TUB: variants seen among roughly 807,000 people sequenced by gnomAD.
The protein encoded by TUB is tubby protein homolog.
A neutral mutation model predicts 59.7 loss-of-function variants in TUB; 33 were observed. The ratio of observed to expected loss-of-function variants is 0.55; its 90% CI spans 0.42 to 0.74. The LOEUF (loss-of-function observed/expected upper bound fraction) is 0.74, where lower values mean the gene tolerates loss of function less well. Among genes scored for constraint, TUB ranks in the 30% least tolerant of loss-of-function variants. The pLI, the probability that TUB is intolerant of heterozygous loss-of-function variation, is 0.00. For missense variants in TUB, 659 were observed against 672.0 expected, an observed-to-expected ratio of 0.98 and a Z score of 0.21; for synonymous variants, 293 against 256.4, an observed-to-expected ratio of 1.14 and a Z score of -1.36.
chr11:8,080,629 C>T (rs1229831292), upstream of TUB, among the ~76,000 whole-genome samples: 2 of 152,188 alleles, frequency 1.3e-5, no homozygotes, highest in Non-Finnish European at 2.9e-5. Flanking sequence ...GTGGAGATTA[C>T]ATACTAGAAA....
chr11:8,040,505 G>A (rs59924750), intron 2 of TUB, among the ~76,000 whole-genome samples: 1 of 152,076 alleles, frequency 6.6e-6, no homozygotes, highest in African/African-American at 2.4e-5. Flanking sequence ...GGTTTGTGAT[G>A]ATGGCGCCCT....
At chr11:8,083,917 A>AGAG (rs1364063920) in intron 1 of TUB, among the ~76,000 whole-genome samples, 1 of 152,140 alleles carries the variant, frequency 6.6e-6, no homozygotes, top group Non-Finnish European at 1.5e-5. Context: ...ACTTGGGCTG[A>AGAG]GAGGAGGAGA....
chr11:8,051,689 C>T (rs7949880), intron 2 of TUB, among the ~76,000 whole-genome samples: 112,989 of 152,118 alleles, frequency 0.74, 42,605 homozygotes, highest in African/African-American at 0.81. Context: ...ATATAGAAGA[C>T]GGTGATTTTT....
At chr11:8,039,109 C>T in intron 1 of TUB, 1 of 1,519,832 alleles carries the variant, frequency 6.6e-7, no homozygotes, top group East Asian at 2.3e-5. Context: ...CTGACCTCAA[C>T]CCTTTACAGT....
At position 8,095,550 on chromosome 11, in the gene TUB, A is replaced by G. The variant is rs1440510252; in HGVS notation, c.450A>G (p.Pro150=). ...AAGACAAGTCTGAGGCCCAAGGCCC[A>G]GTGCAGATTCTGACTGTGGGCCAGT... is the stretch of plus-strand genomic sequence containing the variant. ...LAEDKSEAQG[P]VQILTVGQSD... The change falls in exon 5 of 12, where the codon CCA becomes CCG. Residue 150 remains proline (P), a synonymous_variant. Transcript: ENST00000299506. The G allele has an allele frequency of 1.2e-6, 2 of 1,613,186 alleles. No individual in the cohort carries two copies. Among genetic ancestry groups the G allele is most frequent in the Non-Finnish European group, 8.5e-7 (1 of 1,180,002 alleles).
At chr11:8,024,746 A>G (rs1349444587) in intron 1 of TUB, among the ~76,000 whole-genome samples, 1 of 152,208 alleles carries the variant, frequency 6.6e-6, no homozygotes, top group Non-Finnish European at 1.5e-5. Context: ...AATGTTGGCT[A>G]CTGTCAGATT....
intron 8 of TUB, 122 bp downstream of exon 8, chr11:8,097,948 CCTCT>C: frequency 4.1e-6 from 3 of 734,330 alleles, no homozygotes; most frequent in Non-Finnish European, 6.9e-6. Context: ...CTCCCAGGAT[CCTCT>C]CTGATAATCA....
rs1031010572 is a variant in TUB at position 8,081,323 on chromosome 11, C to G, written c.-188C>G. 3.1e-6 allele frequency: 3 copies of G among 971,530 alleles called. No individual in the cohort carries two copies. The highest frequency in any genetic ancestry group is 3.7e-6 in the Non-Finnish European group (3 of 817,774). 60.2% of individuals were successfully genotyped at this position (971,530 alleles called of 1,614,324 possible). A position where few individuals can be genotyped will look rare whatever the true frequency, so the allele number is the denominator to read the frequency against. ...CTTCGCCCATCTCGCCTCGCCGCGCCGCGCAGGCAGCCGCTCGCAGAGCCA... is the reference window on the plus strand; with the variant it reads ...CTTCGCCCATCTCGCCTCGCCGCGCGGCGCAGGCAGCCGCTCGCAGAGCCA... On this transcript the variant is annotated 5_prime_UTR_variant, in exon 1 of 12. Coordinates refer to ENST00000299506, the MANE Select transcript of TUB (RefSeq NM_177972.3).
rs1590004198 is a variant in TUB, at chr11:8,101,823, T to G, written c.*204T>G. 3.6e-5 allele frequency: 26 copies of G among 715,092 alleles called. No homozygotes were observed. Among genetic ancestry groups the G allele is most frequent in the East Asian group, 6.4e-5 (2 of 31,292 alleles). 44.3% of individuals were successfully genotyped at this position (715,092 alleles called of 1,614,324 possible). On this transcript the variant is annotated 3_prime_UTR_variant, in exon 12 of 12. Transcript: ENST00000299506. ...AGGGGAGTAGTGGAGAGCGGGTGGG[T>G]GGGTGTGAAGGGATGAGAATAATTC...
At chr11:8,097,027 T>C (rs1376000630) in intron 6 of TUB, among the ~76,000 whole-genome samples, 2 of 152,068 alleles carry the variant, frequency 1.3e-5, no homozygotes, top group South Asian at 2.1e-4. Flanking sequence ...CTCCCGTATC[T>C]CCCATCTCCA....
intron 1 of TUB, among the ~76,000 whole-genome samples, chr11:8,022,081 G>A (rs1364440800): frequency 6.6e-6 from 1 of 152,128 alleles, no homozygotes; most frequent in Non-Finnish European, 1.5e-5. Flanking sequence ...CAAACTAACT[G>A]AATCAGAATA....
chr11:8,042,878 T>C (rs898928777), intron 2 of TUB, among the ~76,000 whole-genome samples: 1 of 152,224 alleles, frequency 6.6e-6, no homozygotes, highest in Non-Finnish European at 1.5e-5. Flanking sequence ...GATATTTTAT[T>C]CTATTCTGTG....
intron 2 of TUB, among the ~76,000 whole-genome samples, chr11:8,041,640 T>C (rs1009412750): frequency 6.6e-6 from 1 of 152,164 alleles, no homozygotes; most frequent in Non-Finnish European, 1.5e-5. Flanking sequence ...ATCTCCACCA[T>C]GTCTGTTCAT....
chr11:8,020,108 C>G (rs1057380726), intron 1 of TUB, among the ~76,000 whole-genome samples: 3 of 152,248 alleles, frequency 2.0e-5, no homozygotes, highest in Non-Finnish European at 4.4e-5. Context: ...TAGGTTATGC[C>G]TGTTCTACCT....
chr11:8,027,696 G>A (rs955785177), intron 1 of TUB, among the ~76,000 whole-genome samples: 1 of 152,058 alleles, frequency 6.6e-6, no homozygotes, highest in South Asian at 2.1e-4. Context: ...TGTATTTTTA[G>A]TAGAGACGGG....
chr11:8,039,591 T>C (rs377170393), intron 1 of TUB: 65 of 1,399,092 alleles, frequency 4.6e-5, no homozygotes, highest in Admixed American at 2.9e-5. Context: ...CAGGCAGGGA[T>C]GATGAGGTGA....
At chr11:8,034,925 G>A (rs886385469), upstream of TUB, among the ~76,000 whole-genome samples, 11 of 152,338 alleles carry the variant, frequency 7.2e-5, no homozygotes, top group Admixed American at 7.2e-4. Context: ...TGTGAAATCT[G>A]AATCTGATTC....
In TUB at chr11:8,038,880, G is replaced by A. The variant is rs535436275; in HGVS notation, c.7G>A (p.Ala3Thr). The A allele has an allele frequency of 3.1e-6, 5 of 1,613,912 alleles. No homozygotes were observed. Among genetic ancestry groups the A allele is most frequent in the Non-Finnish European group, 4.2e-6 (5 of 1,179,942 alleles). ...ACTCCATCCTGTGGCCACGATGGGG[G>A]CCAGGACACCTTTGCCTTCTTTCTG... The change falls in exon 1 of 13, where the codon GCC becomes ACC. Residue 3 changes from alanine (A) to threonine (T), a missense_variant. By Grantham distance (58) the Ala-to-Thr change is moderately conservative. Coordinates refer to the TUB transcript ENST00000305253.
chr11:8,024,825 T>C (rs1942478229), intron 1 of TUB, among the ~76,000 whole-genome samples: 1 of 152,224 alleles, frequency 6.6e-6, no homozygotes, highest in Non-Finnish European at 1.5e-5. Context: ...TTTGCAATTA[T>C]GTTTGTGTGT....
Sources: allele counts gnomAD v4.1 joint callset (sites outside exome capture counted in the v4.1 genomes callset), GRCh38; gene constraint gnomAD v4.1.1; transcripts MANE v1.5; gene names NCBI Gene and HGNC (gene_info 2026-07-23, HGNC 2026-07-21).